The following COMMD1 variants were observed in gnomAD, a reference collection of about 807,000 sequenced individuals.
COMMD1 encodes the protein COMM domain-containing protein 1.
A neutral mutation model predicts 17.2 loss-of-function variants in COMMD1; 10 were observed. That is an observed-to-expected ratio of 0.58 (90% CI 0.36 to 0.99). The LOEUF (loss-of-function observed/expected upper bound fraction) is 0.99, where lower values mean the gene tolerates loss of function less well. Among genes scored for constraint, COMMD1 ranks in the 50% least tolerant of loss-of-function variants. The pLI, the probability that COMMD1 is intolerant of heterozygous loss-of-function variation, is 0.01. For synonymous variants in COMMD1, 97 were observed against 91.6 expected, an observed-to-expected ratio of 1.06 and a Z score of -0.34; for missense variants, 270 against 231.8, an observed-to-expected ratio of 1.17 and a Z score of -1.07.
rs200417428 is a variant in COMMD1 at position 61,925,191 on chromosome 2, GT to G, written c.180+19334del. 3.9e-3 allele frequency among the ~76,000 whole-genome samples: 586 copies of G among 151,946 alleles called. 1 individual carries two copies. The highest frequency in any genetic ancestry group is 0.014 in the African/African-American group (560 of 41,358). On this transcript the variant is annotated intron_variant, in intron 1 of 2. Coordinates refer to ENST00000311832, the MANE Select transcript of COMMD1 (RefSeq NM_152516.4). ...AGAGGGGTGTTAGGGGAGGGAGAGA[GT>G]GGGGGAGAGAGAGAGTGAGAGTGAG...
chr2:62,070,908 G>A (rs1671184009), intron 2 of COMMD1, among the ~76,000 whole-genome samples: 1 of 152,182 alleles, frequency 6.6e-6, no homozygotes, highest in Admixed American at 6.5e-5. Context: ...GTGCATGCCT[G>A]TAGTCCCACC....
chr2:62,089,264 T>A (rs1671756769), intron 2 of COMMD1, among the ~76,000 whole-genome samples: 1 of 151,870 alleles, frequency 6.6e-6, no homozygotes, highest in African/African-American at 2.4e-5. Context: ...CCATTTTCTC[T>A]TTCTTTTCTT....
intron 1 of COMMD1, among the ~76,000 whole-genome samples, chr2:61,961,944 A>G (rs1671352972): frequency 6.6e-6 from 1 of 152,118 alleles, no homozygotes; most frequent in African/African-American, 2.4e-5. Flanking sequence ...CATATTTTGA[A>G]TTTTAAAAAA....
chr2:62,021,488 A>G (rs996022596), intron 2 of COMMD1, among the ~76,000 whole-genome samples: 32 of 152,144 alleles, frequency 2.1e-4, no homozygotes, highest in African/African-American at 7.7e-4. Context: ...ACTGAGAGAG[A>G]CAAAGTTGGA....
At chr2:62,056,564 C>T (rs759375509) in intron 2 of COMMD1, among the ~76,000 whole-genome samples, 8 of 152,162 alleles carry the variant, frequency 5.3e-5, no homozygotes, top group Non-Finnish European at 1.0e-4. Flanking sequence ...AAAGTGGCTG[C>T]GTTCAAAGCC....
intron 2 of COMMD1, among the ~76,000 whole-genome samples, chr2:62,020,893 C>T (rs1307769840): frequency 9.2e-5 from 14 of 151,988 alleles, no homozygotes; most frequent in Admixed American, 8.5e-4. Flanking sequence ...ATCCCAGCTA[C>T]TCAGGAGGCT....
chr2:62,122,889 G>A (rs2104079033), intron 2 of COMMD1, among the ~76,000 whole-genome samples: 1 of 152,322 alleles, frequency 6.6e-6, no homozygotes, highest in African/African-American at 2.4e-5. Context: ...TCATTGCCTT[G>A]TTAACGCACA....
intron 2 of COMMD1, among the ~76,000 whole-genome samples, chr2:62,088,249 C>T (rs961966754): frequency 1.3e-5 from 2 of 152,124 alleles, no homozygotes; most frequent in African/African-American, 2.4e-5. Flanking sequence ...ACTTGAAAAT[C>T]GTATCCATCC....
intron 2 of COMMD1, among the ~76,000 whole-genome samples, chr2:62,012,351 G>C (rs1381981192): frequency 6.8e-6 from 1 of 147,146 alleles, no homozygotes; most frequent in Non-Finnish European, 1.5e-5. Context: ...TTTTGAGATG[G>C]AGTCTTACTC....
At chr2:62,026,443 G>A (rs942580927) in intron 2 of COMMD1, among the ~76,000 whole-genome samples, 4 of 152,126 alleles carry the variant, frequency 2.6e-5, no homozygotes, top group Admixed American at 6.5e-5. Context: ...CTATGGTGAG[G>A]ACTGCACCAA....
intron 1 of COMMD1, among the ~76,000 whole-genome samples, chr2:61,977,733 T>A (rs1199155071): frequency 1.3e-5 from 2 of 149,884 alleles, no homozygotes; most frequent in Non-Finnish European, 3.0e-5. Context: ...ATGCCTGTAA[T>A]CCCAGCACTT....
At chr2:61,942,340 G>A (rs1670771964) in intron 1 of COMMD1, among the ~76,000 whole-genome samples, 1 of 152,060 alleles carries the variant, frequency 6.6e-6, no homozygotes, top group African/African-American at 2.4e-5. Flanking sequence ...CTGACCTCAG[G>A]TGATCCACCC....
At chr2:62,094,804 T>A (rs1671954149) in intron 2 of COMMD1, among the ~76,000 whole-genome samples, 1 of 152,232 alleles carries the variant, frequency 6.6e-6, no homozygotes, top group African/African-American at 2.4e-5. Context: ...TCAAATTTAT[T>A]TGGCTGTAGT....
chr2:62,027,644 ATGT>A lies in COMMD1; in HGVS notation c.462+26664_462+26666del, dbSNP rs1558568228. On this transcript the variant is annotated intron_variant, in intron 2 of 2. Transcript: ENST00000311832. ...AATTTATGTTATGTTATGTTATGTT[ATGT>A]TATGTTATGTTGTGTTATGTTATGT... 3.6e-4 allele frequency among the ~76,000 whole-genome samples: 53 copies of A among 148,834 alleles called. 2 individuals are homozygous for A. The East Asian group carries it at 9.3e-3, about 26-fold the overall frequency.
chr2:62,002,987 C>A (rs1003849911), intron 2 of COMMD1, among the ~76,000 whole-genome samples: 1 of 151,966 alleles, frequency 6.6e-6, no homozygotes, highest in African/African-American at 2.4e-5. Context: ...AATCCCAGCA[C>A]TTTGGGAGGC....
chr2:61,892,512 G>T (rs1255575015), intron 1 of COMMD1, among the ~76,000 whole-genome samples: 1 of 151,850 alleles, frequency 6.6e-6, no homozygotes, highest in Non-Finnish European at 1.5e-5. Context: ...GGCTAACACG[G>T]TGAAACCCTG....
rs116096251 is a variant in COMMD1, at chr2:61,949,581, G to C, written c.180+43723G>C. ...AGTCACTCCCAAAGATATCCAAAGA[G>C]AGAAGAAATAAAAATCTTTTTTGCT... On this transcript the variant is annotated intron_variant, in intron 1 of 2. Coordinates refer to ENST00000311832, the MANE Select transcript of COMMD1 (RefSeq NM_152516.4). Among the ~76,000 whole-genome samples, 1,098 of 152,302 alleles carry C rather than the reference G, an allele frequency of 7.2e-3. 12 individuals carry two copies. Among genetic ancestry groups the C allele is most frequent in the Non-Finnish European group, 0.011 (741 of 68,030 alleles).
rs1038194287 is a variant in COMMD1, at chr2:62,079,212, A to T, written c.463-56619A>T. Among the ~76,000 whole-genome samples the T allele has an allele frequency of 1.7e-4, 26 of 152,202 alleles. 1 individual carries two copies. Among genetic ancestry groups the T allele is most frequent in the Admixed American group, 1.6e-3 (24 of 15,288 alleles). On this transcript the variant is annotated intron_variant, in intron 2 of 2. Transcript: ENST00000311832. ...TAAAAGCAGGTTTATTAAGAAAGCA[A>T]AGTAGTGAAAGTACAGCTACTCCAT...
chr2:62,055,018 A>G (rs1476744827), intron 2 of COMMD1, among the ~76,000 whole-genome samples: 1 of 152,218 alleles, frequency 6.6e-6, no homozygotes, highest in Non-Finnish European at 1.5e-5. Flanking sequence ...GAGCGGCTAC[A>G]AATACAGATT....
Sources: allele counts gnomAD v4.1 joint callset (sites outside exome capture counted in the v4.1 genomes callset), GRCh38; gene constraint gnomAD v4.1.1; transcripts MANE v1.5; gene names NCBI Gene and HGNC (gene_info 2026-07-23, HGNC 2026-07-21).